Variants in AXDND1 observed in about 807,000 individuals in gnomAD.
AXDND1 encodes the protein axonemal dynein light chain domain-containing protein 1.
In AXDND1, 110 loss-of-function variants were observed where a neutral mutation model predicts 137.5. The observed-to-expected ratio is 0.80, with a 90% CI of 0.69 to 0.94. The LOEUF is 0.94. AXDND1 is among the 40% of genes least tolerant of loss of function. The probability of loss-of-function intolerance (pLI) is 0.00; values close to 1 mark genes in which losing one functional copy is unlikely to be tolerated. For missense variants in AXDND1, 1,191 were observed against 1,169.8 expected, an observed-to-expected ratio of 1.02 and a Z score of -0.26; for synonymous variants, 414 against 399.7, an observed-to-expected ratio of 1.04 and a Z score of -0.43.
intron 20 of AXDND1, among the ~76,000 whole-genome samples, chr1:179,501,866 A>G (rs904581821): frequency 6.6e-6 from 1 of 152,214 alleles, no homozygotes; most frequent in Non-Finnish European, 1.5e-5. Context: ...TAAAGCTTTT[A>G]GAAGACAATA....
chr1:179,447,510 GT>G (rs35304857), intron 16 of AXDND1: 166,256 of 559,202 alleles, frequency 0.3, 26,461 homozygotes, highest in Non-Finnish European at 0.32. Context: ...AGATTCTACA[GT>G]TGGCGCAGAA....
chr1:179,474,911 T>G (rs928176217), intron 17 of AXDND1, among the ~76,000 whole-genome samples: 1 of 152,196 alleles, frequency 6.6e-6, no homozygotes, highest in Non-Finnish European at 1.5e-5. Context: ...AATGGTTTCT[T>G]GGGTCAGGCC....
intron 17 of AXDND1, among the ~76,000 whole-genome samples, chr1:179,478,370 C>T (rs1259827207): frequency 6.6e-6 from 1 of 152,258 alleles, no homozygotes; most frequent in Non-Finnish European, 1.5e-5. Flanking sequence ...TTCCATACAT[C>T]CTTGAAATCT....
intron 25 of AXDND1, chr1:179,550,646 CAG>C (rs1207883642): frequency 1.3e-5 from 2 of 159,518 alleles, no homozygotes; most frequent in African/African-American, 4.8e-5. Flanking sequence ...AGGTAACTAT[CAG>C]GGTTAGGTGT....
chr1:179,457,203 A>T (rs1246174422), intron 16 of AXDND1: 20 of 755,582 alleles, frequency 2.6e-5, no homozygotes, highest in Non-Finnish European at 4.8e-6. Flanking sequence ...TCTCATTACC[A>T]CACAGTCCAT....
chr1:179,534,108 G>A (rs1671288761), intron 24 of AXDND1, among the ~76,000 whole-genome samples: 2 of 152,216 alleles, frequency 1.3e-5, no homozygotes, highest in South Asian at 4.1e-4. Flanking sequence ...ATTTGTGTGT[G>A]TTGGAGGGGG....
chr1:179,410,087 GT>G (rs747472202), intron 11 of AXDND1, among the ~76,000 whole-genome samples: 1 of 151,524 alleles, frequency 6.6e-6, no homozygotes, highest in African/African-American at 2.4e-5. Context: ...ACCTGTATAA[GT>G]TTTTTTTTAT....
intron 21 of AXDND1, among the ~76,000 whole-genome samples, chr1:179,513,166 G>T (rs1572134722): frequency 6.6e-6 from 1 of 152,254 alleles, no homozygotes; most frequent in South Asian, 2.1e-4. Context: ...AATGCTTTCA[G>T]CTTTCCCCAT....
At chr1:179,551,707 T>C (rs1378556456) in intron 25 of AXDND1, 4 of 497,690 alleles carry the variant, frequency 8.0e-6, no homozygotes, top group African/African-American at 7.7e-5. Context: ...TATTAGCATC[T>C]GGTGGGCCTT....
intron 25 of AXDND1, chr1:179,543,731 A>G (rs1377932963): frequency 6.6e-6 from 1 of 152,194 alleles, no homozygotes; most frequent in African/African-American, 2.4e-5. Context: ...CCAGAACTCA[A>G]ACAGTTAAAT....
At chr1:179,501,026 G>T (rs1667945327) in intron 20 of AXDND1, among the ~76,000 whole-genome samples, 1 of 152,162 alleles carries the variant, frequency 6.6e-6, no homozygotes, top group South Asian at 2.1e-4. Context: ...CATATTTTAA[G>T]TGCTTAATAG....
intron 20 of AXDND1, 102 bp from the exon 21 acceptor site, chr1:179,509,194 A>C: frequency 1.4e-6 from 1 of 699,708 alleles, no homozygotes; most frequent in Non-Finnish European, 2.4e-6. Context: ...AAGTTAATTG[A>C]ATATAGTTAT....
intron 16 of AXDND1, chr1:179,455,953 C>CA (rs1558205418): frequency 0.11 from 18,299 of 170,300 alleles, 7 homozygotes; most frequent in South Asian, 0.22. Context: ...AGCATGGGTG[C>CA]CAAAAAAAAA....
chr1:179,494,689 A>G (rs1341746905), intron 20 of AXDND1, among the ~76,000 whole-genome samples: 1 of 152,042 alleles, frequency 6.6e-6, no homozygotes, highest in Non-Finnish European at 1.5e-5. Context: ...TCTTTCAAAG[A>G]GAGAAGTTCT....
chr1:179,420,622 G>A (rs1008067068), intron 12 of AXDND1, among the ~76,000 whole-genome samples: 1 of 149,920 alleles, frequency 6.7e-6, no homozygotes, highest in Admixed American at 6.8e-5. Flanking sequence ...ACTTGTTATT[G>A]GTTTATTGAG....
intron 16 of AXDND1, 63 bp downstream of exon 16, chr1:179,445,267 C>A: frequency 9.0e-7 from 1 of 1,105,660 alleles, no homozygotes; most frequent in Non-Finnish European, 1.2e-6. Context: ...TAATTATTTT[C>A]AATACAATGA....
Position 179,430,581 on chromosome 1 carries a change from C to G in AXDND1, c.1462C>G (p.Leu488Val), listed in dbSNP as rs565736105. The change falls in exon 14 of 26, where the codon CTT becomes GTT. Residue 488 changes from leucine to valine, a missense_variant. Leu to Val is a conservative substitution (Grantham distance 32, BLOSUM62 1). Transcript: ENST00000367618. ...SETLKIVKDG[L>V]IKWQEFFNEK... ...GACACTGAAAATTGTTAAGGATGGG[C>G]TTATCAAATGGCAGGAGTTCTTCAA... 6.2e-7 allele frequency: 1 copy of G among 1,612,260 alleles called. No homozygotes were observed. Among genetic ancestry groups the G allele is most frequent in the East Asian group, 2.2e-5 (1 of 44,844 alleles).
intron 25 of AXDND1, chr1:179,550,391 A>T (rs1346271783): frequency 6.6e-6 from 1 of 152,148 alleles, no homozygotes; most frequent in Non-Finnish European, 1.5e-5. Flanking sequence ...GAAGAAATAA[A>T]CAAGCTGGTA....
intron 16 of AXDND1, chr1:179,457,146 T>C: frequency 1.1e-6 from 1 of 880,558 alleles, no homozygotes; most frequent in Non-Finnish European, 1.9e-6. Context: ...TTCTCCGCAG[T>C]GGCATGTGAG....
Sources: gnomAD v4.1 joint callset for allele counts (sites outside exome capture counted in the v4.1 genomes callset) on GRCh38, gnomAD v4.1.1 for gene constraint, MANE v1.5 for transcripts, NCBI Gene and HGNC (gene_info 2026-07-23, HGNC 2026-07-21) for gene names.